The following TBC1D5 variants were observed in gnomAD, a reference collection of about 807,000 sequenced individuals.
TBC1D5 encodes TBC1 domain family, member 5.
In TBC1D5, 75 loss-of-function variants were observed where a neutral mutation model predicts 100.3. The ratio of observed to expected loss-of-function variants is 0.75; its 90% confidence interval spans 0.62 to 0.91. The LOEUF (loss-of-function observed/expected upper bound fraction) is 0.91. TBC1D5 is among the 40% of genes least tolerant of loss of function. TBC1D5 has a pLI of 0.00. For synonymous variants in TBC1D5, 323 were observed against 325.6 expected (o/e 0.99, Z 0.09); for missense variants, 910 against 942.4 (o/e 0.97, Z 0.45).
chr3:17,462,630 CTAA>C (rs2095235885), intron 3 of TBC1D5, among the ~76,000 whole-genome samples: 1 of 152,058 alleles, frequency 6.6e-6, no homozygotes, highest in African/African-American at 2.4e-5. Flanking sequence ...CCTCAAATTT[CTAA>C]TATTAGTTGT....
At chr3:17,274,290 A>G (rs1233755445) in intron 15 of TBC1D5, among the ~76,000 whole-genome samples, 2 of 152,204 alleles carry the variant, frequency 1.3e-5, no homozygotes, top group Non-Finnish European at 1.5e-5. Context: ...AATATGTCCT[A>G]AATATATGCT....
chr3:17,484,455 GGTGTGTGTGTGTGT>G (rs34847216), intron 3 of TBC1D5, among the ~76,000 whole-genome samples: 18 of 111,526 alleles, frequency 1.6e-4, no homozygotes, highest in African/African-American at 7.2e-4. Flanking sequence ...GTAACACCAG[GGTGTGTGTGTGTGT>G]GTGTGTGTGT....
intron 2 of TBC1D5, among the ~76,000 whole-genome samples, chr3:17,547,919 C>T (rs1470018502): frequency 6.6e-6 from 1 of 152,142 alleles, no homozygotes; most frequent in Admixed American, 6.5e-5. Context: ...TTTTCTTTTA[C>T]TTCTTTTAAA....
chr3:17,168,500 T>C (rs2066862971), intron 19 of TBC1D5, among the ~76,000 whole-genome samples: 1 of 152,124 alleles, frequency 6.6e-6, no homozygotes, highest in African/African-American at 2.4e-5. Flanking sequence ...TGCCTGTTGG[T>C]ATGTTAAACA....
At chr3:17,176,696 T>A (rs939966272) in intron 19 of TBC1D5, among the ~76,000 whole-genome samples, 2 of 151,400 alleles carry the variant, frequency 1.3e-5, no homozygotes, top group African/African-American at 4.9e-5. Context: ...AAATACCTAA[T>A]GTAGATGATG....
intron 14 of TBC1D5, among the ~76,000 whole-genome samples, chr3:17,299,712 A>G (rs1179412119): frequency 6.6e-6 from 1 of 152,068 alleles, no homozygotes. Context: ...CAAAAAAATT[A>G]GCTGGATGTG....
At chr3:17,603,711 G>C (rs1473359471) in intron 2 of TBC1D5, among the ~76,000 whole-genome samples, 1 of 152,158 alleles carries the variant, frequency 6.6e-6, no homozygotes, top group Non-Finnish European at 1.5e-5. Flanking sequence ...TGTTGCCCAG[G>C]CTGGAGTGCA....
intron 2 of TBC1D5, among the ~76,000 whole-genome samples, chr3:17,588,707 T>C (rs1216928746): frequency 1.3e-5 from 2 of 152,166 alleles, no homozygotes; most frequent in African/African-American, 4.8e-5. Context: ...AGCACTAATT[T>C]TAAAACATAA....
At chr3:17,424,426 C>T (rs1295144927) in intron 4 of TBC1D5, among the ~76,000 whole-genome samples, 2 of 152,172 alleles carry the variant, frequency 1.3e-5, no homozygotes, top group Non-Finnish European at 2.9e-5. Flanking sequence ...TTCCTTCTTT[C>T]ACACCCATTC....
At chr3:17,299,858 C>CAAAAA (rs10590475) in intron 14 of TBC1D5, among the ~76,000 whole-genome samples, 12 of 48,616 alleles carry the variant, frequency 2.5e-4, no homozygotes, top group Admixed American at 1.0e-3. Flanking sequence ...GACTCCGTCT[C>CAAAAA]AAAAAAAAAA....
chr3:17,285,984 C>T (rs1319835692), intron 15 of TBC1D5, among the ~76,000 whole-genome samples: 2 of 152,122 alleles, frequency 1.3e-5, no homozygotes, highest in Non-Finnish European at 2.9e-5. Context: ...CAATAACAGT[C>T]AATGCTAAAA....
intron 2 of TBC1D5, among the ~76,000 whole-genome samples, chr3:17,562,664 C>T (rs1039074309): frequency 1.2e-4 from 19 of 152,142 alleles, no homozygotes; most frequent in Non-Finnish European, 2.2e-4. Context: ...AGGGCAACAA[C>T]AGTCTTGGTG....
intron 4 of TBC1D5, among the ~76,000 whole-genome samples, chr3:17,418,019 C>T (rs1446302): frequency 0.061 from 9,248 of 152,098 alleles, 547 homozygotes; most frequent in African/African-American, 0.15. Flanking sequence ...GTCTTTGAAA[C>T]GCCTTGAGAT....
intron 17 of TBC1D5, among the ~76,000 whole-genome samples, chr3:17,233,033 TTA>T (rs1443126181): frequency 1.3e-5 from 2 of 152,172 alleles, no homozygotes; most frequent in Non-Finnish European, 2.9e-5. Context: ...CTTTAAGTAT[TTA>T]TATGTTTTAA....
chr3:17,566,384 A>G (rs2096593874), intron 2 of TBC1D5, among the ~76,000 whole-genome samples: 1 of 151,912 alleles, frequency 6.6e-6, no homozygotes, highest in Admixed American at 6.6e-5. Flanking sequence ...CAACTAACAA[A>G]AACAAAGCTG....
At chr3:17,519,895 A>G (rs1160275986) in intron 2 of TBC1D5, among the ~76,000 whole-genome samples, 2 of 152,238 alleles carry the variant, frequency 1.3e-5, no homozygotes, top group Non-Finnish European at 2.9e-5. Context: ...TAACAAATAT[A>G]TACTGAGCAC....
chr3:17,388,453 T>A (rs1157509614), intron 8 of TBC1D5, among the ~76,000 whole-genome samples: 1 of 152,086 alleles, frequency 6.6e-6, no homozygotes, highest in African/African-American at 2.4e-5. Flanking sequence ...TTGTTTTACA[T>A]ATATTCCTCT....
At chr3:17,602,561 ATTTTTTTTTTT>A (rs33956978) in intron 2 of TBC1D5, among the ~76,000 whole-genome samples, 1,942 of 74,504 alleles carry the variant, frequency 0.026, 27 homozygotes, top group Non-Finnish European at 0.036. Flanking sequence ...AGAGAATCAG[ATTTTTTTTTTT>A]TTTTTTTTTT....
intron 3 of TBC1D5, among the ~76,000 whole-genome samples, chr3:17,455,525 T>C: frequency 8.6e-6 from 1 of 116,038 alleles, no homozygotes; most frequent in Non-Finnish European, 1.7e-5. Flanking sequence ...TATATATATA[T>C]ATATATGTGT....
Sources: gnomAD v4.1 joint callset for allele counts (sites outside exome capture counted in the v4.1 genomes callset) on GRCh38, gnomAD v4.1.1 for gene constraint, MANE v1.5 for transcripts, NCBI Gene and HGNC (gene_info 2026-07-23, HGNC 2026-07-21) for gene names.